Variants in WDR27 observed in about 807,000 individuals in gnomAD.
The protein encoded by WDR27 is WD repeat domain 27, also known as WD repeat-containing protein 27.
WDR27 carries 100 observed loss-of-function variants against 114.4 expected under a neutral mutation model. The observed-to-expected ratio is 0.87, with a 90% CI of 0.74 to 1.03. The LOEUF (loss-of-function observed/expected upper bound fraction) is 1.03, where lower values mean the gene tolerates loss of function less well. Ranked by LOEUF, WDR27 falls within the 50% of genes least tolerant of loss-of-function variation. The pLI, the probability that WDR27 is intolerant of heterozygous loss-of-function variation, is 0.00. For synonymous variants in WDR27, 449 were observed against 423.1 expected, an observed-to-expected ratio of 1.06 and a Z score of -0.75; for missense variants, 1,129 against 1,092.9, an observed-to-expected ratio of 1.03 and a Z score of -0.47.
rs1387607486 is a variant in WDR27 at position 169,659,631 on chromosome 6, C to T, written c.1130-113G>A. On this transcript the variant is annotated intron_variant, in intron 10 of 25. Coordinates refer to ENST00000448612, the MANE Select transcript of WDR27 (RefSeq NM_182552.5). This position sits in a 1 kb window ranked among gnomAD's most constrained non-coding sequence, Gnocchi z 4.3. ...AGCCCAGAGCCCACCACACACAGTC[C>T]AGGCCCCACCACACACTTTGCAGGC... is the stretch of plus-strand genomic sequence containing the variant. 2 of 943,126 alleles carry T rather than the reference C, an allele frequency of 2.1e-6. No individual in the cohort carries two copies. Among genetic ancestry groups the T allele is most frequent in the Admixed American group, 4.1e-5 (2 of 48,652 alleles). 58.4% of individuals were successfully genotyped at this position (943,126 alleles called of 1,614,324 possible). A position where few individuals can be genotyped will look rare whatever the true frequency, so the allele number is the denominator to read the frequency against.
At chr6:169,664,346 G>T in intron 7 of WDR27, 60 bp from the exon 8 acceptor site, 1 of 1,609,502 alleles carries the variant, frequency 6.2e-7, no homozygotes, top group Non-Finnish European at 8.5e-7. Context: ...CGCAGAAGCA[G>T]CAACACCAGA....
chr6:169,680,401 T>A, intron 2 of WDR27, among the ~76,000 whole-genome samples: 1 of 152,106 alleles, frequency 6.6e-6, no homozygotes, highest in East Asian at 1.9e-4. Flanking sequence ...GCTAACACGG[T>A]GAAACCCTGT....
At chr6:169,477,632 T>C (rs188617801) in intron 25 of WDR27, among the ~76,000 whole-genome samples, 1 of 152,264 alleles carries the variant, frequency 6.6e-6, no homozygotes, top group East Asian at 1.9e-4. Context: ...ACAGACATGG[T>C]TTCTCCATGT....
chr6:169,587,003 A>G (rs533836941), intron 23 of WDR27, among the ~76,000 whole-genome samples: 2 of 151,956 alleles, frequency 1.3e-5, no homozygotes, highest in South Asian at 4.2e-4. Flanking sequence ...TCCAAGGCTC[A>G]GTTTTATGGA....
At chr6:169,532,798 A>C (rs994679487) in intron 25 of WDR27, among the ~76,000 whole-genome samples, 4 of 151,898 alleles carry the variant, frequency 2.6e-5, no homozygotes, top group African/African-American at 9.7e-5. Flanking sequence ...CCCTTAATCT[A>C]GACCCCAAAA....
At chr6:169,688,783 C>T in intron 2 of WDR27, 34 bp downstream of exon 2, 2 of 1,539,338 alleles carry the variant, frequency 1.3e-6, no homozygotes, top group South Asian at 2.6e-5. Flanking sequence ...AGGGCAAGGC[C>T]TTCATGACAC....
At position 169,474,193 on chromosome 6, in the gene WDR27, G is replaced by A. The variant is rs190325806; in HGVS notation, c.2646-16559C>T. Among the ~76,000 whole-genome samples, 29 of 152,292 alleles carry A rather than the reference G, an allele frequency of 1.9e-4. No individual in the cohort carries two copies. The East Asian group carries it at 5.6e-3, about 29-fold the overall frequency. Reference sequence around the variant, plus strand: ...ATAACCAACTAGAGAAACTAACAAAGAAATATGGTGTTGCCTAGTAATATT... The same window carrying A: ...ATAACCAACTAGAGAAACTAACAAAAAAATATGGTGTTGCCTAGTAATATT... On this transcript the variant is annotated intron_variant, in intron 25 of 25. Coordinates refer to ENST00000448612, the MANE Select transcript of WDR27 (RefSeq NM_182552.5).
At chr6:169,587,056 C>T (rs143799167) in intron 23 of WDR27, among the ~76,000 whole-genome samples, 74 of 151,688 alleles carry the variant, frequency 4.9e-4, no homozygotes, top group African/African-American at 1.7e-3. Flanking sequence ...TTTGCACAAA[C>T]CAGTAGAGTT....
chr6:169,665,828 C>A (rs1051967924), intron 6 of WDR27, among the ~76,000 whole-genome samples: 1 of 152,234 alleles, frequency 6.6e-6, no homozygotes, highest in Non-Finnish European at 1.5e-5. Context: ...CCCGAGGAAT[C>A]CCATCCCACC....
At chr6:169,486,822 C>T (rs1487233438) in intron 25 of WDR27, among the ~76,000 whole-genome samples, 2 of 152,300 alleles carry the variant, frequency 1.3e-5, no homozygotes, top group East Asian at 3.9e-4. Flanking sequence ...TCCTTTTCCT[C>T]GATGTTTTCA....
intron 4 of WDR27, chr6:169,668,519 C>T (rs996306701): frequency 4.6e-6 from 1 of 216,796 alleles, no homozygotes; most frequent in Non-Finnish European, 9.2e-6. Flanking sequence ...CGGCAATAGG[C>T]GCTCATGAGT....
intron 1 of WDR27, among the ~76,000 whole-genome samples, chr6:169,695,898 T>G (rs548916649): frequency 3.3e-4 from 50 of 152,266 alleles, no homozygotes; most frequent in African/African-American, 1.2e-3. Context: ...TTACCGGCTC[T>G]CAAGACAGAA....
At chr6:169,667,496 C>A in intron 5 of WDR27, 1 of 562,940 alleles carries the variant, frequency 1.8e-6, no homozygotes, top group Non-Finnish European at 2.2e-6. Flanking sequence ...ATAGAGGCAC[C>A]AAGCGGAAAC....
chr6:169,511,344 T>C lies in WDR27; in HGVS notation c.2646-53710A>G, dbSNP rs1562514326. 3.3e-5 allele frequency among the ~76,000 whole-genome samples: 5 copies of C among 152,226 alleles called. 1 individual carries two copies. The highest frequency in any genetic ancestry group is 3.3e-4 in the Admixed American group (5 of 15,274). On this transcript the variant is annotated intron_variant, in intron 25 of 25. Transcript: ENST00000448612. ...TCAAATACTTATGGATTTGTATGTT[T>C]GGCAGTACCTATTTGTGTGAAGAGA...
Position 169,601,457 on chromosome 6 carries a change from A to G in WDR27, c.2424+762T>C, listed in dbSNP as rs952191589. Among the ~76,000 whole-genome samples, 12 of 152,364 alleles carry G rather than the reference A, an allele frequency of 7.9e-5. No individual in the cohort carries two copies. In the East Asian group the frequency reaches 2.3e-3, roughly 29 times the overall value. ...TAGAATTTGGCATTTTCAGCAATCA[A>G]TAATTACTACATTTTGTAAATGAAA... On this transcript the variant is annotated intron_variant, in intron 23 of 25. Coordinates refer to ENST00000448612, the MANE Select transcript of WDR27 (RefSeq NM_182552.5).
the WDR27 span, among the ~76,000 whole-genome samples, chr6:169,450,545 G>T: frequency 7.0e-4 from 107 of 152,268 alleles, no homozygotes; most frequent in African/African-American, 2.4e-3. Flanking sequence ...GAAATGTATT[G>T]AGATATCATT....
Position 169,658,323 on chromosome 6 carries a change from C to A in WDR27, c.1355G>T (p.Gly452Val). The A allele has an allele frequency of 6.2e-7, 1 of 1,602,114 alleles. No homozygotes were observed. The highest frequency in any genetic ancestry group is 1.1e-5 in the South Asian group (1 of 88,018). Residue 452 changes from glycine (G) to valine (V), a missense_variant, in exon 13 of 26, where the codon GGA becomes GTA. Gly to Val is a moderately radical substitution (Grantham distance 109, BLOSUM62 -3). Transcript: ENST00000448612. ...CTTGGTACTCTTCTCCTTGGCAATT[C>A]CCAGATACAGTGGAGAGGTCGGTAG... The part of the protein sequence containing the change: ...CVLPTSPLYL[G>V]IAKEKSTKAA...
chr6:169,637,082 G>C (rs1817816098), intron 18 of WDR27, among the ~76,000 whole-genome samples: 1 of 152,124 alleles, frequency 6.6e-6, no homozygotes, highest in African/African-American at 2.4e-5. Context: ...TATGTTCTTT[G>C]CAAGTCGCCT....
At chr6:169,699,607 A>C (rs1009594777) in intron 1 of WDR27, among the ~76,000 whole-genome samples, 1 of 152,168 alleles carries the variant, frequency 6.6e-6, no homozygotes, top group African/African-American at 2.4e-5. Context: ...GGAGTGAGCT[A>C]TGGCAGCCTT....
Sources: gnomAD v4.1 joint callset for allele counts (sites outside exome capture counted in the v4.1 genomes callset) on GRCh38, gnomAD v4.1.1 for gene constraint, Gnocchi (gnomAD v3.1) non-coding constraint, MANE v1.5 for transcripts, NCBI Gene and HGNC (gene_info 2026-07-23, HGNC 2026-07-21) for gene names.